Variants in CNTNAP2 observed in about 807,000 individuals in gnomAD.
CNTNAP2 encodes the protein contactin-associated protein-like 2.
Under a neutral mutation model 155.2 loss-of-function variants are expected in CNTNAP2, and 98 were observed. The observed-to-expected ratio is 0.63, with a 90% CI of 0.54 to 0.75. CNTNAP2 has a LOEUF of 0.75. CNTNAP2 is among the 30% of genes least tolerant of loss of function. The pLI is 0.00. For synonymous variants in CNTNAP2, 651 were observed against 631.2 expected, an observed-to-expected ratio of 1.03 and a Z score of -0.47; for missense variants, 1,727 against 1,688.1, an observed-to-expected ratio of 1.02 and a Z score of -0.40.
intron 11 of CNTNAP2, among the ~76,000 whole-genome samples, chr7:147,519,914 T>C (rs934421023): frequency 6.6e-6 from 1 of 152,166 alleles, no homozygotes; most frequent in Non-Finnish European, 1.5e-5. Flanking sequence ...TACTGTGTGA[T>C]AGAAGCAGAA....
chr7:147,349,736 G>T (rs1002066777), intron 9 of CNTNAP2, among the ~76,000 whole-genome samples: 5 of 151,886 alleles, frequency 3.3e-5, no homozygotes, highest in African/African-American at 1.2e-4. Flanking sequence ...AAAACTATCT[G>T]TGAACATATG....
chr7:146,160,397 T>A (rs962515950), intron 1 of CNTNAP2, among the ~76,000 whole-genome samples: 1 of 152,020 alleles, frequency 6.6e-6, no homozygotes, highest in African/African-American at 2.4e-5. Flanking sequence ...AATCAATGAA[T>A]CCAGGAGCTG....
At chr7:147,598,004 T>C (rs1800859466) in intron 12 of CNTNAP2, among the ~76,000 whole-genome samples, 1 of 152,150 alleles carries the variant, frequency 6.6e-6, no homozygotes, top group African/African-American at 2.4e-5. Flanking sequence ...CTGGGACCAC[T>C]TAGAATGTGG....
intron 10 of CNTNAP2, among the ~76,000 whole-genome samples, chr7:147,432,869 TG>T (rs1797488034): frequency 6.6e-6 from 1 of 152,196 alleles, no homozygotes; most frequent in Non-Finnish European, 1.5e-5. Flanking sequence ...AGAGCTGTGC[TG>T]CTTTCCTTCA....
intron 1 of CNTNAP2, among the ~76,000 whole-genome samples, chr7:146,318,129 A>G (rs1391660380): frequency 6.7e-6 from 1 of 150,374 alleles, no homozygotes; most frequent in Non-Finnish European, 1.5e-5. Flanking sequence ...CAACAGAGCA[A>G]GACTCCATCT....
rs950495020 is a variant in CNTNAP2, at chr7:147,620,429, A to G, written c.1898-18677A>G. Among the ~76,000 whole-genome samples, 6 of 152,138 alleles carry G rather than the reference A, an allele frequency of 3.9e-5. 1 individual carries two copies. Among genetic ancestry groups the G allele is most frequent in the Admixed American group, 3.9e-4 (6 of 15,250 alleles). On this transcript the variant is annotated intron_variant, in intron 12 of 23. Transcript: ENST00000361727. ...TGTTTTAAGGAAACTCAAATTTAAG[A>G]TAAAGCGGAGAAGGTATTCAGAATT...
At chr7:148,254,095 A>C (rs1796418921) in intron 20 of CNTNAP2, among the ~76,000 whole-genome samples, 1 of 152,140 alleles carries the variant, frequency 6.6e-6, no homozygotes, top group Non-Finnish European at 1.5e-5. Flanking sequence ...TCATCTTCAA[A>C]TAAAGTCCTT....
intron 1 of CNTNAP2, among the ~76,000 whole-genome samples, chr7:146,344,786 T>A (rs912955647): frequency 1.8e-4 from 28 of 152,328 alleles, no homozygotes; most frequent in Middle Eastern, 3.4e-3. Flanking sequence ...CAACTAGCTT[T>A]AACTAGAATA....
At chr7:146,562,402 C>T (rs963258470) in intron 1 of CNTNAP2, among the ~76,000 whole-genome samples, 3 of 152,038 alleles carry the variant, frequency 2.0e-5, no homozygotes, top group African/African-American at 7.2e-5. Context: ...GTTAGCCTTT[C>T]AATTTTAAAT....
At chr7:146,217,590 A>T (rs1235617781) in intron 1 of CNTNAP2, among the ~76,000 whole-genome samples, 1 of 152,176 alleles carries the variant, frequency 6.6e-6, no homozygotes, top group Admixed American at 6.5e-5. Context: ...ATCAAACCCT[A>T]GTTTCTCTAC....
intron 3 of CNTNAP2, among the ~76,000 whole-genome samples, chr7:146,996,886 C>T (rs944433547): frequency 1.3e-5 from 2 of 152,024 alleles, no homozygotes; most frequent in African/African-American, 4.8e-5. Flanking sequence ...GGTGGTTTCC[C>T]CCATACTGTT....
chr7:146,531,939 A>G (rs1797776584), intron 1 of CNTNAP2, among the ~76,000 whole-genome samples: 1 of 152,160 alleles, frequency 6.6e-6, no homozygotes, highest in South Asian at 2.1e-4. Flanking sequence ...TGAAGTGAAA[A>G]ATAATGAAAT....
At chr7:148,288,044 C>A (rs1391156424) in intron 21 of CNTNAP2, among the ~76,000 whole-genome samples, 2 of 151,638 alleles carry the variant, frequency 1.3e-5, no homozygotes, top group African/African-American at 4.8e-5. Context: ...CCCGCCTTGG[C>A]CCCCCAAAGT....
At chr7:148,388,416 T>C (rs923371724) in intron 22 of CNTNAP2, among the ~76,000 whole-genome samples, 1 of 151,602 alleles carries the variant, frequency 6.6e-6, no homozygotes, top group Non-Finnish European at 1.5e-5. Flanking sequence ...GTCCTTGCGA[T>C]AGTTTACTGA....
At chr7:146,281,304 C>A (rs1800247876) in intron 1 of CNTNAP2, among the ~76,000 whole-genome samples, 1 of 152,160 alleles carries the variant, frequency 6.6e-6, no homozygotes, top group Non-Finnish European at 1.5e-5. Context: ...GGTTGAGTAA[C>A]TTCCTACTAA....
chr7:147,524,000 C>T (rs1005692668), intron 11 of CNTNAP2, among the ~76,000 whole-genome samples: 1 of 152,128 alleles, frequency 6.6e-6, no homozygotes, highest in Admixed American at 6.5e-5. Flanking sequence ...AGTCCGTTGA[C>T]ATTGCTTACC....
chr7:146,290,669 A>T (rs1276445712), intron 1 of CNTNAP2, among the ~76,000 whole-genome samples: 1 of 152,202 alleles, frequency 6.6e-6, no homozygotes, highest in Non-Finnish European at 1.5e-5. Flanking sequence ...TGTATTTGGG[A>T]ATCAGAAAAA....
chr7:146,677,800 C>G (rs1322894292), intron 1 of CNTNAP2, among the ~76,000 whole-genome samples: 1 of 151,576 alleles, frequency 6.6e-6, no homozygotes, highest in African/African-American at 2.4e-5. Flanking sequence ...ATCAGAAATT[C>G]CAGAAACAAG....
At chr7:146,328,541 G>GTGTGTA (rs1325445344) in intron 1 of CNTNAP2, among the ~76,000 whole-genome samples, 2 of 151,992 alleles carry the variant, frequency 1.3e-5, no homozygotes, top group Non-Finnish European at 2.9e-5. Flanking sequence ...GTGTGTGTGT[G>GTGTGTA]TGTATGGTGA....
Sources: gnomAD v4.1 joint callset for allele counts (sites outside exome capture counted in the v4.1 genomes callset) on GRCh38, gnomAD v4.1.1 for gene constraint, MANE v1.5 for transcripts, NCBI Gene and HGNC (gene_info 2026-07-23, HGNC 2026-07-21) for gene names.